The following PLAC8 variants were observed in gnomAD, a reference collection of about 807,000 sequenced individuals.
PLAC8 encodes placenta-specific gene 8 protein.
PLAC8 carries 6 observed loss-of-function variants against 12.6 expected under a neutral mutation model. The ratio of observed to expected loss-of-function variants is 0.48; its 90% confidence interval spans 0.26 to 0.94. The LOEUF is 0.94. PLAC8 is among the 40% of genes least tolerant of loss of function. The pLI, the probability that PLAC8 is intolerant of heterozygous loss-of-function variation, is 0.14. For synonymous variants in PLAC8, 54 were observed against 52.6 expected, an observed-to-expected ratio of 1.03 and a Z score of -0.11; for missense variants, 122 against 152.7, an observed-to-expected ratio of 0.80 and a Z score of 1.06.
At chr4:83,101,507 G>A (rs1238170483) in intron 3 of PLAC8, among the ~76,000 whole-genome samples, 3 of 152,246 alleles carry the variant, frequency 2.0e-5, no homozygotes, top group East Asian at 1.9e-4. Context: ...AGGCGAAGCA[G>A]CAAGTGCTGA....
intron 3 of PLAC8, among the ~76,000 whole-genome samples, chr4:83,095,374 T>C (rs1035777382): frequency 2.6e-5 from 4 of 152,162 alleles, no homozygotes; most frequent in African/African-American, 9.7e-5. Context: ...GCAAACAATT[T>C]GGGGTTAAAG....
rs538992267 is a variant in PLAC8, at chr4:83,100,564, C to T, written c.243+4332G>A. Among the ~76,000 whole-genome samples, 12 of 151,616 alleles carry T rather than the reference C, an allele frequency of 7.9e-5. No homozygotes were observed. In the South Asian group the frequency reaches 2.5e-3, roughly 32 times the overall value. On this transcript the variant is annotated intron_variant, in intron 3 of 4. Coordinates refer to ENST00000311507, the MANE Select transcript of PLAC8 (RefSeq NM_016619.3). ...GTACTTCTTTATAGCAATGCGAGAA[C>T]GGACTAATACCGACAGCAAATTTAA...
chr4:83,101,087 G>C (rs1308005011), intron 3 of PLAC8, among the ~76,000 whole-genome samples: 1 of 152,078 alleles, frequency 6.6e-6, no homozygotes, highest in African/African-American at 2.4e-5. Flanking sequence ...GAGAGACAAA[G>C]CTGCAGAAGA....
At chr4:83,092,573 C>T (rs779310535) in intron 4 of PLAC8, among the ~76,000 whole-genome samples, 46 of 151,674 alleles carry the variant, frequency 3.0e-4, no homozygotes, top group Non-Finnish European at 6.0e-4. Context: ...TAGTTCTATT[C>T]ATTTACTTCA....
chr4:83,112,074 T>C (rs989223016), intron 1 of PLAC8, among the ~76,000 whole-genome samples: 1 of 151,660 alleles, frequency 6.6e-6, no homozygotes, highest in African/African-American at 2.4e-5. Flanking sequence ...TTCGGGAGGC[T>C]GAGGCAGGAG....
intron 1 of PLAC8, chr4:83,109,981 GGA>G (rs764636291): frequency 2.6e-5 from 4 of 152,230 alleles, no homozygotes; most frequent in Non-Finnish European, 5.9e-5. Context: ...TGCCCTCGGG[GGA>G]CCATTCGCCG....
intron 2 of PLAC8, 134 bp downstream of exon 2, chr4:83,107,670 A>G (rs1192019680): frequency 1.8e-5 from 3 of 168,520 alleles, no homozygotes; most frequent in East Asian, 2.4e-4. Context: ...TAAACATACC[A>G]TTGCCTGACA....
intron 2 of PLAC8, among the ~76,000 whole-genome samples, chr4:83,105,525 A>G (rs545331475): frequency 1.9e-4 from 29 of 152,260 alleles, no homozygotes; most frequent in Non-Finnish European, 3.8e-4. Context: ...GTAATCTGGC[A>G]TATCCTGGCA....
chr4:83,110,448 G>A (rs1279346544), intron 1 of PLAC8, among the ~76,000 whole-genome samples: 1 of 152,198 alleles, frequency 6.6e-6, no homozygotes, highest in Non-Finnish European at 1.5e-5. Flanking sequence ...TTGGCTTTGG[G>A]AAAAGTAAGT....
chr4:83,103,675 G>A (rs1230068222), intron 3 of PLAC8, among the ~76,000 whole-genome samples: 1 of 148,364 alleles, frequency 6.7e-6, no homozygotes, highest in Non-Finnish European at 1.5e-5. Flanking sequence ...TTTTGTTTTT[G>A]TTTTGTTTTG....
At chr4:83,093,412 T>C (rs1032866042) in intron 4 of PLAC8, 1 of 152,412 alleles carries the variant, frequency 6.6e-6, no homozygotes, top group African/African-American at 2.4e-5. Flanking sequence ...TTCAGGTCAC[T>C]GCTCCCTCTT....
At chr4:83,102,008 C>T (rs28887899) in intron 3 of PLAC8, among the ~76,000 whole-genome samples, 58,528 of 151,868 alleles carry the variant, frequency 0.39, 11,497 homozygotes, top group Middle Eastern at 0.46. Context: ...CATCCAAGAA[C>T]TCTGATGAAG....
At chr4:83,104,816 C>T in intron 3 of PLAC8, 80 bp downstream of exon 3, 3 of 1,438,082 alleles carry the variant, frequency 2.1e-6, no homozygotes, top group Non-Finnish European at 2.9e-6. Flanking sequence ...AAGATGTATA[C>T]ATCAAATGAT....
At chr4:83,096,927 C>T (rs1483304126) in intron 3 of PLAC8, among the ~76,000 whole-genome samples, 1 of 152,164 alleles carries the variant, frequency 6.6e-6, no homozygotes, top group Admixed American at 6.5e-5. Context: ...ACAAAATGGG[C>T]TGATTGGCTT....
chr4:83,104,286 G>T (rs1732184615), intron 3 of PLAC8, among the ~76,000 whole-genome samples: 1 of 152,082 alleles, frequency 6.6e-6, no homozygotes. Context: ...TTGCTTTATT[G>T]TGGTGGTCTA....
chr4:83,092,571 T>G (rs1182490438), intron 4 of PLAC8, among the ~76,000 whole-genome samples: 1 of 151,850 alleles, frequency 6.6e-6, no homozygotes, highest in East Asian at 1.9e-4. Flanking sequence ...AGTAGTTCTA[T>G]TCATTTACTT....
At chr4:83,104,220 C>A (rs376017901) in intron 3 of PLAC8, among the ~76,000 whole-genome samples, 2 of 152,168 alleles carry the variant, frequency 1.3e-5, no homozygotes, top group East Asian at 1.9e-4. Context: ...TATAAGCATA[C>A]CTTTTATGTG....
chr4:83,104,858 G>T, intron 3 of PLAC8, 38 bp downstream of exon 3: 3 of 1,602,388 alleles, frequency 1.9e-6, no homozygotes, highest in Non-Finnish European at 2.6e-6. Context: ...TTTGAATGGG[G>T]TGCATATTTG....
intron 3 of PLAC8, among the ~76,000 whole-genome samples, chr4:83,100,599 G>C (rs1732077290): frequency 6.6e-6 from 1 of 152,074 alleles, no homozygotes; most frequent in Non-Finnish European, 1.5e-5. Context: ...ATTGATAAAT[G>C]TGTGTATTCT....
Sources: allele counts gnomAD v4.1 joint callset (sites outside exome capture counted in the v4.1 genomes callset), GRCh38; gene constraint gnomAD v4.1.1; transcripts MANE v1.5; gene names NCBI Gene and HGNC (gene_info 2026-07-23, HGNC 2026-07-21).